LRRC8C: variants seen among roughly 807,000 people sequenced by gnomAD.
LRRC8C encodes the protein volume-regulated anion channel subunit LRRC8C.
LRRC8C carries 20 observed loss-of-function variants against 55.3 expected under a neutral mutation model. That is an observed-to-expected ratio of 0.36 (90% CI 0.25 to 0.53). The LOEUF (loss-of-function observed/expected upper bound fraction) is 0.53. LRRC8C is among the 20% of genes least tolerant of loss of function. The pLI is 0.92. For missense variants in LRRC8C, 659 were observed against 951.4 expected, an observed-to-expected ratio of 0.69 and a Z score of 4.04; for synonymous variants, 376 against 360.7, an observed-to-expected ratio of 1.04 and a Z score of -0.48.
chr1:89,686,558 G>T lies in LRRC8C; in HGVS notation c.85G>T (p.Asp29Tyr). 1 of 1,614,170 alleles carries T rather than the reference G, an allele frequency of 6.2e-7. No homozygotes were observed. The highest frequency in any genetic ancestry group is 8.5e-7 in the Non-Finnish European group (1 of 1,180,024). ...GAAGCCATGGTGGGATGTGTTTACC[G>T]ATTACCTCTCAGTAGCCATGCTCAT... ...VLKPWWDVFT[D>Y]YLSVAMLMIG... is the part of the protein sequence containing the mutation. The change falls in exon 2 of 3, where the codon GAT becomes TAT. Residue 29 changes from aspartate (D) to tyrosine (Y), a missense_variant. By Grantham distance (160) the Asp-to-Tyr change is radical. This residue lies in a region of LRRC8C where 17 missense variants were observed against 38.2 expected (regional missense o/e 0.44). Coordinates refer to ENST00000370454, the MANE Select transcript of LRRC8C (RefSeq NM_032270.5).
At chr1:89,646,114 A>G (rs1656607510) in intron 1 of LRRC8C, among the ~76,000 whole-genome samples, 1 of 152,104 alleles carries the variant, frequency 6.6e-6, no homozygotes, top group African/African-American at 2.4e-5. Flanking sequence ...AGAACAGAAT[A>G]AATGAAATCG....
chr1:89,685,275 C>A (rs544054056), intron 1 of LRRC8C, among the ~76,000 whole-genome samples: 3 of 122,302 alleles, frequency 2.5e-5, no homozygotes, highest in South Asian at 3.1e-4. Context: ...CCCGCCACCG[C>A]GCCCGGCTAA....
intron 2 of LRRC8C, among the ~76,000 whole-genome samples, chr1:89,694,681 G>A (rs921909265): frequency 6.0e-5 from 8 of 134,270 alleles, no homozygotes; most frequent in Non-Finnish European, 1.2e-4. Context: ...TCCACTTCCC[G>A]GGTTCAAGTG....
intron 2 of LRRC8C, chr1:89,706,262 A>G (rs1029214008): frequency 8.8e-6 from 4 of 455,364 alleles, no homozygotes; most frequent in Non-Finnish European, 4.4e-6. Flanking sequence ...GGCATGTAAT[A>G]GATAAGCTGC....
intron 2 of LRRC8C, among the ~76,000 whole-genome samples, chr1:89,695,949 T>G (rs572890398): frequency 6.6e-6 from 1 of 152,350 alleles, no homozygotes; most frequent in East Asian, 1.9e-4. Context: ...TGTATTGTTT[T>G]TAGTCTCTTT....
chr1:89,667,571 A>G (rs1657306900), intron 1 of LRRC8C, among the ~76,000 whole-genome samples: 1 of 152,184 alleles, frequency 6.6e-6, no homozygotes, highest in Non-Finnish European at 1.5e-5. Context: ...AAATTAAGGT[A>G]AAATACAAAG....
At chr1:89,654,465 G>C (rs1656882999) in intron 1 of LRRC8C, among the ~76,000 whole-genome samples, 1 of 152,122 alleles carries the variant, frequency 6.6e-6, no homozygotes, top group South Asian at 2.1e-4. Context: ...TGTCAAGTTG[G>C]CAGCTGGATA....
At chr1:89,708,282 G>A (rs1658544547) in intron 2 of LRRC8C, among the ~76,000 whole-genome samples, 1 of 152,148 alleles carries the variant, frequency 6.6e-6, no homozygotes, top group South Asian at 2.1e-4. Context: ...CTTTGTAGAA[G>A]GGGATGCGGT....
chr1:89,645,933 A>G (rs954245072), intron 1 of LRRC8C, among the ~76,000 whole-genome samples: 1 of 146,982 alleles, frequency 6.8e-6, no homozygotes, highest in South Asian at 2.1e-4. Flanking sequence ...AAAGCAGGGC[A>G]TAGGTAGTTT....
intron 2 of LRRC8C, among the ~76,000 whole-genome samples, chr1:89,709,579 G>C (rs1399788708): frequency 6.6e-6 from 1 of 152,162 alleles, no homozygotes; most frequent in Non-Finnish European, 1.5e-5. Flanking sequence ...TTAGGAGCAA[G>C]CCCGGGGGAG....
intron 1 of LRRC8C, among the ~76,000 whole-genome samples, chr1:89,662,541 C>G (rs1367264925): frequency 2.0e-5 from 3 of 152,032 alleles, no homozygotes. Context: ...AATAATCTTG[C>G]AATAATCTAA....
intron 1 of LRRC8C, chr1:89,668,382 A>T (rs1378905127): frequency 6.6e-6 from 1 of 152,346 alleles, no homozygotes; most frequent in East Asian, 1.9e-4. Flanking sequence ...GCTATTTATT[A>T]TAGAAGGATA....
chr1:89,638,100 C>T (rs1049042871), intron 1 of LRRC8C, among the ~76,000 whole-genome samples: 4 of 152,058 alleles, frequency 2.6e-5, no homozygotes, highest in African/African-American at 9.7e-5. Context: ...TTCCAGATGA[C>T]CAAAGTATTT....
In LRRC8C at chr1:89,654,574, T is replaced by C. The variant is rs575412998; in HGVS notation, c.-5+21252T>C. On this transcript the variant is annotated intron_variant, in intron 1 of 2. Transcript: ENST00000370454. ...TAAAAATAAATTTTCTGTGTCCTTC[T>C]ATGTCTGAAATACACTATTTATTCT... Among the ~76,000 whole-genome samples the C allele has an allele frequency of 1.1e-4, 16 of 152,336 alleles. No individual in the cohort carries two copies. In the East Asian group the frequency reaches 1.9e-3, roughly 18 times the overall value.
chr1:89,655,381 T>G (rs564232393), intron 1 of LRRC8C, among the ~76,000 whole-genome samples: 5 of 152,342 alleles, frequency 3.3e-5, no homozygotes, highest in Non-Finnish European at 7.3e-5. Flanking sequence ...TTTTAGTGTG[T>G]CTTTATTTGT....
chr1:89,627,353 A>G, the LRRC8C span, among the ~76,000 whole-genome samples: 24 of 126,536 alleles, frequency 1.9e-4, no homozygotes, highest in Middle Eastern at 3.9e-3. Flanking sequence ...CCATCTGAAC[A>G]ATAATTCTAA....
chr1:89,631,313 T>C (rs1656101805), upstream of LRRC8C, among the ~76,000 whole-genome samples: 1 of 152,234 alleles, frequency 6.6e-6, no homozygotes, highest in East Asian at 1.9e-4. Flanking sequence ...AGAATAGGGA[T>C]TTCATCCTGG....
At chr1:89,699,522 G>T (rs1658263653) in intron 2 of LRRC8C, among the ~76,000 whole-genome samples, 1 of 152,180 alleles carries the variant, frequency 6.6e-6, no homozygotes, top group African/African-American at 2.4e-5. Context: ...ATTTTGCTGT[G>T]AACCTAAAGC....
At chr1:89,663,590 A>G (rs1308037451) in intron 1 of LRRC8C, among the ~76,000 whole-genome samples, 1 of 150,724 alleles carries the variant, frequency 6.6e-6, no homozygotes, top group Non-Finnish European at 1.5e-5. Flanking sequence ...AAAAAAATAC[A>G]TGTGCATGTG....
Sources: allele counts gnomAD v4.1 joint callset (sites outside exome capture counted in the v4.1 genomes callset), GRCh38; gene constraint gnomAD v4.1.1; regional missense constraint gnomAD v4.1.1; transcripts MANE v1.5; gene names NCBI Gene and HGNC (gene_info 2026-07-23, HGNC 2026-07-21).